MARK3: variants seen among roughly 807,000 people sequenced by gnomAD.
MARK3 encodes MAP/microtubule affinity-regulating kinase 3.
MARK3 carries 46 observed loss-of-function variants against 90.1 expected under a neutral mutation model. The ratio of observed to expected loss-of-function variants is 0.51; its 90% CI spans 0.40 to 0.65. The LOEUF (loss-of-function observed/expected upper bound fraction) is 0.65. Ranked by LOEUF, MARK3 falls within the 30% of genes least tolerant of loss-of-function variation. The pLI is 0.00. For synonymous variants in MARK3, 321 were observed against 332.6 expected (o/e 0.97, Z 0.38); for missense variants, 818 against 947.2 (o/e 0.86, Z 1.79).
chr14:103,416,962 G>C (rs1021251862), intron 2 of MARK3, among the ~76,000 whole-genome samples: 4 of 152,122 alleles, frequency 2.6e-5, no homozygotes, highest in African/African-American at 9.7e-5. Context: ...ATGTGAGGAG[G>C]TTAAAATAAT....
At chr14:103,491,007 T>C (rs952293001) in intron 14 of MARK3, 2 of 1,288,384 alleles carry the variant, frequency 1.6e-6, no homozygotes, top group African/African-American at 3.0e-5. Flanking sequence ...TACATCTACC[T>C]GTCGGCTGAG....
chr14:103,425,249 ATTATTTATTTAT>A (rs71460674), intron 2 of MARK3, among the ~76,000 whole-genome samples: 14 of 146,630 alleles, frequency 9.5e-5, no homozygotes, highest in African/African-American at 3.0e-4. Context: ...CTATTTATTT[ATTATTTATTTAT>A]TTATTTATTT....
At chr14:103,420,799 A>C (rs1415287318) in intron 2 of MARK3, among the ~76,000 whole-genome samples, 1 of 152,210 alleles carries the variant, frequency 6.6e-6, no homozygotes, top group Admixed American at 6.5e-5. Context: ...CGGTGAAAAA[A>C]TATGCACATC....
Position 103,471,161 on chromosome 14 carries a change from G to C in MARK3, c.1264+2975G>C, listed in dbSNP as rs372804291. The stretch of plus-strand genomic sequence containing the variant: ...CATGGCAATTAAATGCCCATATATT[G>C]CCCTGAAACCATCTGGTTTAACTTG... On this transcript the variant is annotated intron_variant, in intron 12 of 17. Coordinates refer to ENST00000429436, the MANE Select transcript of MARK3 (RefSeq NM_001128918.3). 1.6e-4 allele frequency among the ~76,000 whole-genome samples: 25 copies of C among 152,184 alleles called. No individual in the cohort carries two copies. The East Asian group carries it at 2.7e-3, about 16-fold the overall frequency.
At chr14:103,431,405 T>C (rs2092578114) in intron 3 of MARK3, among the ~76,000 whole-genome samples, 1 of 152,040 alleles carries the variant, frequency 6.6e-6, no homozygotes, top group Admixed American at 6.5e-5. Context: ...CCAAGGTGTG[T>C]GGATCACTTG....
chr14:103,450,916 G>GTGTGTGTT (rs1358062005), intron 4 of MARK3, among the ~76,000 whole-genome samples: 2 of 58,128 alleles, frequency 3.4e-5, no homozygotes, highest in African/African-American at 5.9e-5. Context: ...GTGTGTGTGT[G>GTGTGTGTT]TATTCTTTTT....
chr14:103,452,115 G>A, intron 5 of MARK3, 132 bp downstream of exon 5: 3 of 575,024 alleles, frequency 5.2e-6, no homozygotes, highest in Non-Finnish European at 8.9e-6. Context: ...TAGGATGAGA[G>A]TCGGAAAAGC....
chr14:103,472,647 CAAAAAA>C (rs71126028), intron 12 of MARK3, among the ~76,000 whole-genome samples: 1 of 72,536 alleles, frequency 1.4e-5, no homozygotes, highest in African/African-American at 5.3e-5. Flanking sequence ...GGCTCCATCT[CAAAAAA>C]AAAAAAAAAA....
At chr14:103,471,323 A>T (rs1347682869) in intron 12 of MARK3, among the ~76,000 whole-genome samples, 1 of 152,222 alleles carries the variant, frequency 6.6e-6, no homozygotes, top group African/African-American at 2.4e-5. Flanking sequence ...TTTTAGAGAT[A>T]AAAAGAGCTT....
intron 12 of MARK3, among the ~76,000 whole-genome samples, chr14:103,472,628 A>G (rs2141705308): frequency 6.9e-6 from 1 of 145,758 alleles, no homozygotes; most frequent in Admixed American, 7.0e-5. Context: ...GCCTGGGCCA[A>G]CAGAGCGAGG....
chr14:103,487,276 G>A (rs2093947078), intron 14 of MARK3, among the ~76,000 whole-genome samples: 1 of 150,890 alleles, frequency 6.6e-6, no homozygotes, highest in Non-Finnish European at 1.5e-5. Flanking sequence ...GATTGCCTAA[G>A]CTCAGGAGTT....
intron 3 of MARK3, among the ~76,000 whole-genome samples, chr14:103,445,825 A>G (rs986780042): frequency 1.3e-5 from 2 of 152,252 alleles, no homozygotes; most frequent in Admixed American, 6.5e-5. Flanking sequence ...GATTGCCTTC[A>G]TTTGACCTGC....
chr14:103,406,373 C>T (rs1302805104), intron 2 of MARK3, among the ~76,000 whole-genome samples: 1 of 149,836 alleles, frequency 6.7e-6, no homozygotes, highest in East Asian at 2.0e-4. Flanking sequence ...TACAGGCGCA[C>T]ACCACCACGC....
chr14:103,438,122 T>C (rs1268849972), intron 3 of MARK3, among the ~76,000 whole-genome samples: 1 of 152,118 alleles, frequency 6.6e-6, no homozygotes, highest in East Asian at 1.9e-4. Flanking sequence ...TCCCTCAGCC[T>C]CCCGAGTAGC....
Position 103,484,158 on chromosome 14 carries a change from CTTTTCTTTTTTTT to C in MARK3, c.1586+3681_1586+3693del, listed in dbSNP as rs1443885242. The stretch of plus-strand genomic sequence containing the variant: ...GGTGTTACAGTAATGCAAACAGAAT[CTTTTCTTTTTTTT>C]TTTTCTTTTTTTCTTTTTTTTTCTG... On this transcript the variant is annotated intron_variant, in intron 14 of 17. Transcript: ENST00000429436. Among the ~76,000 whole-genome samples, 3 of 92,600 alleles carry C rather than the reference CTTTTCTTTTTTTT, an allele frequency of 3.2e-5. No homozygotes were observed. The South Asian group carries it at 1.6e-3, about 50-fold the overall frequency. 60.7% of individuals were successfully genotyped at this position (92,600 alleles called of 152,430 possible). A position where few individuals can be genotyped will look rare whatever the true frequency, so the allele number is the denominator to read the frequency against.
intron 2 of MARK3, among the ~76,000 whole-genome samples, chr14:103,410,798 G>C (rs904403621): frequency 1.3e-5 from 2 of 151,804 alleles, no homozygotes; most frequent in African/African-American, 4.8e-5. Flanking sequence ...TCAGTCATCT[G>C]TCTGATGTGT....
intron 13 of MARK3, among the ~76,000 whole-genome samples, chr14:103,479,319 C>T (rs193249984): frequency 6.6e-6 from 1 of 152,132 alleles, no homozygotes; most frequent in Non-Finnish European, 1.5e-5. Flanking sequence ...AGGTGTTAGC[C>T]TCTGCACCTG....
At chr14:103,404,537 C>T (rs1332900325) in intron 1 of MARK3, among the ~76,000 whole-genome samples, 3 of 152,156 alleles carry the variant, frequency 2.0e-5, no homozygotes, top group Non-Finnish European at 4.4e-5. Context: ...TTCATCTATA[C>T]AACAAGGGTC....
At chr14:103,450,919 T>TGTGTGTTTTG (rs374293977) in intron 4 of MARK3, among the ~76,000 whole-genome samples, 1 of 79,936 alleles carries the variant, frequency 1.3e-5, no homozygotes, top group Non-Finnish European at 2.3e-5. Flanking sequence ...TGTGTGTGTA[T>TGTGTGTTTTG]TCTTTTTTTT....
Sources: gnomAD v4.1 joint callset for allele counts (sites outside exome capture counted in the v4.1 genomes callset) on GRCh38, gnomAD v4.1.1 for gene constraint, MANE v1.5 for transcripts, NCBI Gene and HGNC (gene_info 2026-07-23, HGNC 2026-07-21) for gene names.